Variants in PRKG1 observed in about 807,000 individuals in gnomAD.
The protein encoded by PRKG1 is protein kinase cGMP-dependent 1.
PRKG1 carries 35 observed loss-of-function variants against 88.1 expected under a neutral mutation model. The observed-to-expected ratio is 0.40, with a 90% CI of 0.30 to 0.53. The LOEUF is 0.53. PRKG1 is among the 20% of genes least tolerant of loss of function. PRKG1 has a pLI of 0.59. For synonymous variants in PRKG1, 303 were observed against 292.5 expected, an observed-to-expected ratio of 1.04 and a Z score of -0.37; for missense variants, 540 against 839.8, an observed-to-expected ratio of 0.64 and a Z score of 4.41.
At chr10:51,513,140 G>A (rs1220253733) in intron 3 of PRKG1, among the ~76,000 whole-genome samples, 2 of 151,592 alleles carry the variant, frequency 1.3e-5, no homozygotes, top group Admixed American at 6.6e-5. Context: ...AAAATAAAAG[G>A]ATGGAGGAAG....
At chr10:51,217,232 C>T (rs1838396060) in intron 2 of PRKG1, among the ~76,000 whole-genome samples, 1 of 152,068 alleles carries the variant, frequency 6.6e-6, no homozygotes, top group African/African-American at 2.4e-5. Flanking sequence ...AAAATTACAC[C>T]TGGAAATATT....
intron 3 of PRKG1, among the ~76,000 whole-genome samples, chr10:51,621,297 T>A (rs1839205793): frequency 6.8e-6 from 1 of 147,210 alleles, no homozygotes; most frequent in African/African-American, 2.5e-5. Flanking sequence ...TGTCAACAGT[T>A]CTCAAATTTC....
chr10:51,620,439 C>A (rs563978595), intron 3 of PRKG1, among the ~76,000 whole-genome samples: 1 of 152,128 alleles, frequency 6.6e-6, no homozygotes, highest in African/African-American at 2.4e-5. Flanking sequence ...AAGAATAATT[C>A]TTCCTGCCTC....
chr10:51,202,494 T>A (rs1030262664), intron 2 of PRKG1, among the ~76,000 whole-genome samples: 2 of 152,200 alleles, frequency 1.3e-5, no homozygotes, highest in Non-Finnish European at 2.9e-5. Flanking sequence ...CAAGAATTCC[T>A]ATCTCAGGCT....
intron 7 of PRKG1, among the ~76,000 whole-genome samples, chr10:52,130,160 T>TC (rs940860924): frequency 2.0e-5 from 3 of 152,162 alleles, no homozygotes; most frequent in African/African-American, 7.2e-5. Context: ...TGTTGGTTTT[T>TC]CCCCCCAATG....
intron 3 of PRKG1, among the ~76,000 whole-genome samples, chr10:51,501,609 T>C (rs1589021992): frequency 6.6e-6 from 1 of 152,150 alleles, no homozygotes; most frequent in East Asian, 1.9e-4. Context: ...TGGCTCCTTG[T>C]CCATTTCCCA....
Position 52,294,976 on chromosome 10 carries a change from C to G in PRKG1, c.*1076C>G, listed in dbSNP as rs1842351281. ...AAGCATTTTCACTAAAGTTATTAAA[C>G]CAAACTCCTGTCCAATTTCACTTAT... On this transcript the variant is annotated 3_prime_UTR_variant, in exon 18 of 18. Coordinates refer to ENST00000373980, the MANE Select transcript of PRKG1 (RefSeq NM_006258.4). 6.6e-6 allele frequency: 1 copy of G among 152,512 alleles called. No homozygotes were observed. The highest frequency in any genetic ancestry group is 1.5e-5 in the Non-Finnish European group (1 of 68,006). 9.4% of individuals were successfully genotyped at this position (152,512 alleles called of 1,614,324 possible).
chr10:51,510,880 A>G (rs1841376310), intron 3 of PRKG1, among the ~76,000 whole-genome samples: 1 of 150,520 alleles, frequency 6.6e-6, no homozygotes, highest in Admixed American at 6.6e-5. Flanking sequence ...AGTAGCTGGG[A>G]CTACAGGCGC....
chr10:51,074,482 T>C, upstream of PRKG1: 1 of 1,479,362 alleles, frequency 6.8e-7, no homozygotes, highest in Non-Finnish European at 9.0e-7. Context: ...GTAGGAAGCT[T>C]TGGCACTCGG....
chr10:51,545,029 G>T (rs904439557), intron 3 of PRKG1, among the ~76,000 whole-genome samples: 7 of 151,446 alleles, frequency 4.6e-5, no homozygotes, highest in Non-Finnish European at 8.8e-5. Flanking sequence ...GCACTTTCCA[G>T]CCCAGTGATA....
intron 9 of PRKG1, among the ~76,000 whole-genome samples, chr10:52,196,102 T>C (rs1306439707): frequency 6.6e-6 from 1 of 152,168 alleles, no homozygotes; most frequent in Non-Finnish European, 1.5e-5. Flanking sequence ...AAGCTCCGCC[T>C]CCTGGGTTCA....
chr10:51,412,927 G>C (rs1386264613), intron 2 of PRKG1, among the ~76,000 whole-genome samples: 1 of 152,114 alleles, frequency 6.6e-6, no homozygotes, highest in East Asian at 1.9e-4. Flanking sequence ...GGAAATAAGG[G>C]GCTCAAGCCT....
chr10:51,466,906 A>G (rs1419020539), intron 2 of PRKG1, among the ~76,000 whole-genome samples: 1 of 152,026 alleles, frequency 6.6e-6, no homozygotes, highest in Non-Finnish European at 1.5e-5. Context: ...GGAGAGGAGA[A>G]GTCAGTCAAG....
intron 1 of PRKG1, among the ~76,000 whole-genome samples, chr10:51,009,826 A>G (rs956130543): frequency 6.6e-6 from 1 of 152,208 alleles, no homozygotes; most frequent in East Asian, 1.9e-4. Context: ...ATGGAATCGT[A>G]CTTTTGGAAA....
intron 3 of PRKG1, among the ~76,000 whole-genome samples, chr10:51,619,213 A>T (rs1564575555): frequency 6.6e-6 from 1 of 152,166 alleles, no homozygotes; most frequent in Non-Finnish European, 1.5e-5. Flanking sequence ...AATGTACAAT[A>T]TTGGGTAATT....
chr10:51,983,244 G>A (rs1314018460), intron 5 of PRKG1, among the ~76,000 whole-genome samples: 1 of 152,134 alleles, frequency 6.6e-6, no homozygotes, highest in Non-Finnish European at 1.5e-5. Flanking sequence ...TGGGGACAGA[G>A]TGAGGTGCTG....
intron 2 of PRKG1, among the ~76,000 whole-genome samples, chr10:51,272,815 A>C (rs1399149885): frequency 6.6e-6 from 1 of 152,168 alleles, no homozygotes; most frequent in Non-Finnish European, 1.5e-5. Flanking sequence ...CCTCCCTTTT[A>C]ATAAGGCTAG....
intron 5 of PRKG1, among the ~76,000 whole-genome samples, chr10:51,954,788 C>G (rs1049675923): frequency 6.6e-6 from 1 of 152,104 alleles, no homozygotes; most frequent in Non-Finnish European, 1.5e-5. Flanking sequence ...GCAGAATAGA[C>G]TTGGTATTGC....
chr10:51,016,673 C>CTTTGTTTTTTTTTTTTTTTTTTTT (rs1843067577), intron 1 of PRKG1, among the ~76,000 whole-genome samples: 1 of 35,184 alleles, frequency 2.8e-5, no homozygotes, highest in Non-Finnish European at 4.8e-5. Flanking sequence ...ATTATCCTTT[C>CTTTGTTTTTTTTTTTTTTTTTTTT]TTTTTTTTTT....
Sources: allele counts gnomAD v4.1 joint callset (sites outside exome capture counted in the v4.1 genomes callset), GRCh38; gene constraint gnomAD v4.1.1; transcripts MANE v1.5; gene names NCBI Gene and HGNC (gene_info 2026-07-23, HGNC 2026-07-21).